The following CEP192 variants were observed in gnomAD, a reference collection of about 807,000 sequenced individuals.
CEP192 encodes centrosomal protein of 192 kDa.
A neutral mutation model predicts 271.8 loss-of-function variants in CEP192; 151 were observed. That is an observed-to-expected ratio of 0.56 (90% CI 0.49 to 0.64). The LOEUF (loss-of-function observed/expected upper bound fraction) is 0.64. Among genes scored for constraint, CEP192 ranks in the 30% least tolerant of loss-of-function variants. The pLI is 0.00. For synonymous variants in CEP192, 995 were observed against 1,076.5 expected (o/e 0.92, Z 1.48); for missense variants, 2,910 against 3,020.5 (o/e 0.96, Z 0.86).
At chr18:13,060,883 C>T (rs1326270563) in intron 21 of CEP192, among the ~76,000 whole-genome samples, 1 of 151,638 alleles carries the variant, frequency 6.6e-6, no homozygotes, top group Non-Finnish European at 1.5e-5. Context: ...ATGATCACAT[C>T]ACTACACTCC....
chr18:13,095,493 A>C lies in CEP192; in HGVS notation c.6255-10A>C, dbSNP rs2039348796. On this transcript the variant is annotated splice_polypyrimidine_tract_variant and intron_variant, in intron 34 of 44. Coordinates refer to ENST00000506447, the MANE Select transcript of CEP192 (RefSeq NM_032142.4). ...ATGTCTAACTTTTTCATTTTTAAAT[A>C]ATTTTTTAGCGACTTGGGAGCTTCT... is the stretch of plus-strand genomic sequence containing the variant. 6.3e-7 allele frequency: 1 copy of C among 1,583,814 alleles called. No individual in the cohort carries two copies. The highest frequency in any genetic ancestry group is 1.2e-5 in the South Asian group (1 of 85,802).
chr18:13,102,164 C>G (rs996283034), intron 38 of CEP192, among the ~76,000 whole-genome samples: 8 of 152,116 alleles, frequency 5.3e-5, no homozygotes, highest in Admixed American at 2.0e-4. Flanking sequence ...CTTCTTTCCT[C>G]TGGGAGCTCC....
chr18:13,055,256 G>C (rs968012094), intron 18 of CEP192, among the ~76,000 whole-genome samples: 3 of 150,098 alleles, frequency 2.0e-5, no homozygotes, highest in Non-Finnish European at 4.4e-5. Flanking sequence ...TCCAACCTGG[G>C]CAACAAGAGC....
intron 6 of CEP192, among the ~76,000 whole-genome samples, chr18:13,016,495 C>T (rs879772527): frequency 6.6e-6 from 1 of 152,146 alleles, no homozygotes; most frequent in Non-Finnish European, 1.5e-5. Context: ...GTTTTGCTAT[C>T]AAAGGAGTTT....
At chr18:13,123,357 A>T (rs999348327) in intron 44 of CEP192, among the ~76,000 whole-genome samples, 4 of 152,170 alleles carry the variant, frequency 2.6e-5, no homozygotes, top group African/African-American at 9.7e-5. Context: ...ACACATACAC[A>T]CCTTTGCTCT....
intron 9 of CEP192, among the ~76,000 whole-genome samples, chr18:13,024,717 T>TC (rs1426126671): frequency 2.0e-5 from 3 of 152,054 alleles, no homozygotes; most frequent in Non-Finnish European, 4.4e-5. Context: ...CGCCTTGGCC[T>TC]CCCAAAGTGC....
chr18:13,042,217 A>G lies in CEP192; in HGVS notation c.1950A>G (p.Glu650=). The change falls in exon 15 of 45, where the codon GAA becomes GAG. Residue 650 remains glutamate, a synonymous_variant. Transcript: ENST00000506447. ...TATTTCCTGCAGGAGATTTAAATGA[A>G]CAGTCCCAGGCACAGCTAAGTGAAG... ...NHDLYSGDLN[E]QSQAQLSEGS... The G allele has an allele frequency of 1.9e-6, 3 of 1,611,880 alleles. No homozygotes were observed. Among genetic ancestry groups the G allele is most frequent in the Middle Eastern group, 1.7e-4 (1 of 6,056 alleles).
rs574172727 is a variant in CEP192, at chr18:13,029,259, G to T, written c.1051-404G>T. On this transcript the variant is annotated intron_variant, in intron 9 of 44. Coordinates refer to ENST00000506447, the MANE Select transcript of CEP192 (RefSeq NM_032142.4). ...ATAAACTGCCTTACTCCTATTAAAA[G>T]ATATTAATATCTAGGGCTGTTTATC... is the stretch of plus-strand genomic sequence containing the variant. Among the ~76,000 whole-genome samples the T allele has an allele frequency of 5.3e-5, 8 of 152,342 alleles. No homozygotes were observed. In the South Asian group the frequency reaches 1.7e-3, roughly 32 times the overall value.
chr18:13,115,285 G>A (rs2040377747), intron 42 of CEP192, among the ~76,000 whole-genome samples: 1 of 152,164 alleles, frequency 6.6e-6, no homozygotes, highest in Non-Finnish European at 1.5e-5. Context: ...ACGAGAAACT[G>A]GGAGAAGTGA....
At chr18:13,048,519 A>G (rs182566217) in intron 15 of CEP192, among the ~76,000 whole-genome samples, 2 of 152,364 alleles carry the variant, frequency 1.3e-5, no homozygotes, top group East Asian at 3.9e-4. Flanking sequence ...GAAAGAAAAA[A>G]TAATGCTGAA....
intron 44 of CEP192, among the ~76,000 whole-genome samples, chr18:13,121,945 T>G (rs1341636084): frequency 6.6e-6 from 1 of 152,272 alleles, no homozygotes; most frequent in Non-Finnish European, 1.5e-5. Flanking sequence ...TGGTGGTACC[T>G]TGTATGTGCT....
chr18:13,073,058 T>C lies in CEP192; in HGVS notation c.5489T>C (p.Ile1830Thr). 1.2e-6 allele frequency: 2 copies of C among 1,613,370 alleles called. No homozygotes were observed. The change falls in exon 30 of 45, where the codon ATC becomes ACC. Residue 1830 changes from isoleucine to threonine, a missense_variant. Physicochemically the swap from Ile to Thr is moderately conservative, Grantham distance 89. Transcript: ENST00000506447. Reference protein sequence around the residue: ...SEQRLTSNCEIRIHPKEDIFI... With the variant: ...SEQRLTSNCETRIHPKEDIFI... ...CAGCGATTGACCAGTAACTGTGAGA[T>C]CAGAATTCACCCAAAGGAAGACATT...
intron 3 of CEP192, among the ~76,000 whole-genome samples, chr18:13,004,117 A>G (rs562488104): frequency 3.9e-5 from 6 of 152,318 alleles, no homozygotes; most frequent in South Asian, 2.1e-4. Flanking sequence ...GGTCATTGGT[A>G]ACCCCAATAA....
At chr18:12,993,271 G>C (rs1252707246) in intron 1 of CEP192, among the ~76,000 whole-genome samples, 1 of 152,166 alleles carries the variant, frequency 6.6e-6, no homozygotes, top group Non-Finnish European at 1.5e-5. Flanking sequence ...TGGAGGAAAG[G>C]TAACAAGTTT....
chr18:13,021,100 C>G (rs949491690), intron 9 of CEP192, among the ~76,000 whole-genome samples: 1 of 152,078 alleles, frequency 6.6e-6, no homozygotes, highest in African/African-American at 2.4e-5. Flanking sequence ...TATATTGCTA[C>G]CTGTGCTTTT....
At chr18:13,027,696 A>T (rs372680318) in intron 9 of CEP192, among the ~76,000 whole-genome samples, 1 of 152,164 alleles carries the variant, frequency 6.6e-6, no homozygotes, top group African/African-American at 2.4e-5. Flanking sequence ...TTATACTCAG[A>T]ACTGGAAGCT....
Position 13,087,643 on chromosome 18 carries a change from G to A in CEP192, c.5990G>A (p.Arg1997His), listed in dbSNP as rs763709342. 8.9e-6 allele frequency: 13 copies of A among 1,460,842 alleles called. No individual in the cohort carries two copies. The highest frequency in any genetic ancestry group is 6.1e-5 in the Admixed American group (3 of 48,868). The allele number at this position is 1,460,842 out of a possible 1,614,324, so 90.5% of individuals were successfully genotyped here. Residue 1997 changes from arginine (R) to histidine (H), a missense_variant, in exon 32 of 45, where the codon CGC becomes CAC. Physicochemically the swap from Arg to His is conservative, Grantham distance 29 (BLOSUM62 0). Transcript: ENST00000506447. Reference protein sequence around the residue: ...GGDEISRQQYRRALLHKPEMI... With the variant: ...GGDEISRQQYHRALLHKPEMI... ...GATGAAATTTCAAGACAGCAGTATC[G>A]CAGGTAGATTACTTATCTTACACAA...
intron 15 of CEP192, among the ~76,000 whole-genome samples, chr18:13,047,315 C>G (rs2036538376): frequency 6.6e-6 from 1 of 152,040 alleles, no homozygotes. Flanking sequence ...GGTCTCATCC[C>G]AAAGCATGGA....
chr18:13,047,614 A>C (rs1298589679), intron 15 of CEP192, among the ~76,000 whole-genome samples: 2 of 152,170 alleles, frequency 1.3e-5, no homozygotes, highest in African/African-American at 4.8e-5. Context: ...TGAGTATGCT[A>C]TTCAGTTCTA....
Sources: gnomAD v4.1 joint callset for allele counts (sites outside exome capture counted in the v4.1 genomes callset) on GRCh38, gnomAD v4.1.1 for gene constraint, MANE v1.5 for transcripts, NCBI Gene and HGNC (gene_info 2026-07-23, HGNC 2026-07-21) for gene names.